CUL5: variants seen among roughly 807,000 people sequenced by gnomAD.
CUL5 encodes cullin-5.
Under a neutral mutation model 108.8 loss-of-function variants are expected in CUL5, and 26 were observed. The observed-to-expected ratio is 0.24, with a 90% CI of 0.18 to 0.33. CUL5 has a LOEUF of 0.33. Ranked by LOEUF, CUL5 falls within the 10% of genes least tolerant of loss-of-function variation. The pLI, the probability that CUL5 is intolerant of heterozygous loss-of-function variation, is 1.00. For missense variants in CUL5, 524 were observed against 909.2 expected (o/e 0.58, Z 5.45); for synonymous variants, 334 against 298.0 (o/e 1.12, Z -1.25).
At chr11:108,091,964 C>G (rs936175350) in intron 13 of CUL5, among the ~76,000 whole-genome samples, 6 of 151,858 alleles carry the variant, frequency 4.0e-5, no homozygotes, top group Non-Finnish European at 5.9e-5. Flanking sequence ...TAACAATACT[C>G]CATGTCTACA....
At chr11:108,029,757 C>A (rs1173649077) in intron 1 of CUL5, among the ~76,000 whole-genome samples, 3 of 152,076 alleles carry the variant, frequency 2.0e-5, no homozygotes, top group South Asian at 2.1e-4. Flanking sequence ...ATTATGTGTT[C>A]CATCAAAAAG....
At chr11:108,035,604 G>A (rs138398858) in intron 2 of CUL5, among the ~76,000 whole-genome samples, 1,804 of 151,930 alleles carry the variant, frequency 0.012, 36 homozygotes, top group African/African-American at 0.041. Flanking sequence ...ATCTGGGTGT[G>A]GTGGCACATG....
chr11:108,092,501 AT>A (rs1362679195), intron 13 of CUL5, among the ~76,000 whole-genome samples: 3 of 152,268 alleles, frequency 2.0e-5, no homozygotes, highest in African/African-American at 7.2e-5. Flanking sequence ...ATACAATGGA[AT>A]ATTTTTTGTG....
At chr11:108,019,358 A>G (rs2135048988) in intron 1 of CUL5, among the ~76,000 whole-genome samples, 1 of 152,232 alleles carries the variant, frequency 6.6e-6, no homozygotes, top group East Asian at 1.9e-4. Flanking sequence ...CAGTAAGGGA[A>G]CCCACACATT....
At chr11:108,071,407 C>T (rs61914388) in intron 8 of CUL5, among the ~76,000 whole-genome samples, 4,246 of 151,756 alleles carry the variant, frequency 0.028, 93 homozygotes, top group Non-Finnish European at 0.043. Context: ...GGACTACAGC[C>T]GTGTACCACC....
rs1321401071 is a variant in CUL5, at chr11:108,049,858, T to G, written c.235-32T>G. 1.9e-6 allele frequency: 3 copies of G among 1,564,702 alleles called. No individual in the cohort carries two copies. In the South Asian group the frequency reaches 3.6e-5, roughly 19 times the overall value. On this transcript the variant is annotated intron_variant, in intron 3 of 18. Transcript: ENST00000393094. ...TCTTAATTTTTCAAAGCAACTGCATTTATTTCAAATTGGTACACCTCTTTT... is the reference window on the plus strand; with the variant it reads ...TCTTAATTTTTCAAAGCAACTGCATGTATTTCAAATTGGTACACCTCTTTT...
At chr11:108,093,518 A>G (rs1330028270) in intron 13 of CUL5, among the ~76,000 whole-genome samples, 2 of 152,148 alleles carry the variant, frequency 1.3e-5, no homozygotes, top group South Asian at 2.1e-4. Context: ...CATTTCCAGC[A>G]TTATCACTTT....
At chr11:108,061,286 A>G (rs898172026) in intron 7 of CUL5, among the ~76,000 whole-genome samples, 1 of 152,238 alleles carries the variant, frequency 6.6e-6, no homozygotes, top group Non-Finnish European at 1.5e-5. Context: ...GAAGAAATAC[A>G]AAAGAGGAAT....
intron 16 of CUL5, among the ~76,000 whole-genome samples, chr11:108,096,564 CTTTTTTTTT>C (rs71047671): frequency 4.3e-3 from 196 of 45,880 alleles, no homozygotes; most frequent in African/African-American, 0.016. Context: ...CAGCTATGTA[CTTTTTTTTT>C]TTTTTTTTTT....
At position 108,042,218 on chromosome 11, in the gene CUL5, C is replaced by CTTTT. The variant is rs11440201; in HGVS notation, c.135-4036_135-4033dup. Among the ~76,000 whole-genome samples the CTTTT allele has an allele frequency of 4.6e-4, 57 of 124,042 alleles. 1 individual carries two copies. The highest frequency in any genetic ancestry group is 5.0e-4 in the Non-Finnish European group (31 of 62,262). The allele number at this position is 124,042 out of a possible 152,430, so 81.4% of individuals were successfully genotyped here. A position where few individuals can be genotyped will look rare whatever the true frequency, so the allele number is the denominator to read the frequency against. ...GCAGTTACCTTAGTCATCCACAATT[C>CTTTT]TTTTTTTTTTTTTTTTTTTGAGACA... On this transcript the variant is annotated intron_variant, in intron 2 of 18. Coordinates refer to ENST00000393094, the MANE Select transcript of CUL5 (RefSeq NM_003478.6).
chr11:108,079,187 T>A (rs1864009053), intron 11 of CUL5, among the ~76,000 whole-genome samples: 1 of 152,200 alleles, frequency 6.6e-6, no homozygotes, highest in Non-Finnish European at 1.5e-5. Context: ...CACTGCAACC[T>A]TTACCTCCCG....
At chr11:108,077,272 G>A (rs1460774736) in intron 10 of CUL5, among the ~76,000 whole-genome samples, 4 of 152,206 alleles carry the variant, frequency 2.6e-5, no homozygotes, top group Non-Finnish European at 5.9e-5. Flanking sequence ...GTGATCCGCT[G>A]TTTTTAAATG....
chr11:108,044,801 G>A (rs1863026935), intron 2 of CUL5, among the ~76,000 whole-genome samples: 1 of 150,704 alleles, frequency 6.6e-6, no homozygotes, highest in Non-Finnish European at 1.5e-5. Context: ...TCACTCTGTT[G>A]CCCAGGCTGG....
At chr11:108,031,854 A>G (rs1034345763) in intron 1 of CUL5, among the ~76,000 whole-genome samples, 6 of 152,310 alleles carry the variant, frequency 3.9e-5, no homozygotes, top group Admixed American at 2.0e-4. Context: ...AAAGAACAAG[A>G]TCATGTCCTT....
intron 4 of CUL5, among the ~76,000 whole-genome samples, chr11:108,050,402 T>C (rs995036466): frequency 6.6e-6 from 1 of 151,954 alleles, no homozygotes; most frequent in African/African-American, 2.4e-5. Flanking sequence ...AGTGTCACTC[T>C]GTCGCCTAGG....
intron 1 of CUL5, among the ~76,000 whole-genome samples, chr11:108,024,186 C>A (rs530060597): frequency 1.3e-5 from 2 of 152,298 alleles, no homozygotes; most frequent in South Asian, 4.1e-4. Flanking sequence ...ATTTGATTTC[C>A]TGCCCTGCCA....
chr11:108,079,220 C>T (rs538604325), intron 11 of CUL5, among the ~76,000 whole-genome samples: 2 of 152,208 alleles, frequency 1.3e-5, no homozygotes, highest in African/African-American at 2.4e-5. Flanking sequence ...TCTTCTGCCT[C>T]AGCCTCCCGA....
intron 15 of CUL5, 82 bp from the exon 16 acceptor site, chr11:108,095,448 T>C: frequency 2.0e-6 from 2 of 1,005,860 alleles, no homozygotes; most frequent in Non-Finnish European, 2.9e-6. Flanking sequence ...AGCAACCTTT[T>C]TCATATATAA....
At chr11:108,037,722 GC>G (rs1451321814) in intron 2 of CUL5, among the ~76,000 whole-genome samples, 1 of 152,150 alleles carries the variant, frequency 6.6e-6, no homozygotes, top group African/African-American at 2.4e-5. Flanking sequence ...CTTCTGCCTG[GC>G]ACATACCAAA....
Sources: gnomAD v4.1 joint callset for allele counts (sites outside exome capture counted in the v4.1 genomes callset) on GRCh38, gnomAD v4.1.1 for gene constraint, MANE v1.5 for transcripts, NCBI Gene and HGNC (gene_info 2026-07-23, HGNC 2026-07-21) for gene names.